EIF3I: variants seen among roughly 807,000 people sequenced by gnomAD.
EIF3I encodes the protein eukaryotic translation initiation factor 3 subunit I, also known as TGF-beta receptor-interacting protein 1.
Under a neutral mutation model 43.3 loss-of-function variants are expected in EIF3I, and 20 were observed. The ratio of observed to expected loss-of-function variants is 0.46; its 90% CI spans 0.32 to 0.67. The LOEUF is 0.67. Among genes scored for constraint, EIF3I ranks in the 30% least tolerant of loss-of-function variants. EIF3I has a pLI of 0.03. For missense variants in EIF3I, 279 were observed against 421.4 expected (o/e 0.66, Z 2.96); for synonymous variants, 167 against 151.7 (o/e 1.10, Z -0.74).
At chr1:32,223,487 G>A (rs900960534) in intron 2 of EIF3I, among the ~76,000 whole-genome samples, 2 of 152,176 alleles carry the variant, frequency 1.3e-5, no homozygotes, top group Non-Finnish European at 2.9e-5. Context: ...GTTTCACCAT[G>A]TTGGACAGGC....
At chr1:32,231,448 G>A (rs189268974), downstream of EIF3I, 2,819 of 384,780 alleles carry the variant, frequency 7.3e-3, 23 homozygotes, top group Non-Finnish European at 0.011. Context: ...CTGAGATCAC[G>A]TCATTGCACT....
At chr1:32,226,236 A>G (rs1271941231) in exon 5 of EIF3I, 7 of 1,614,120 alleles carry the variant, frequency 4.3e-6, no homozygotes, top group Non-Finnish European at 5.9e-6. Flanking sequence ...CTTTGGGGGC[A>G]ACATCATCAT....
intron 10 of EIF3I, among the ~76,000 whole-genome samples, chr1:32,230,391 TC>T: frequency 6.6e-6 from 1 of 152,032 alleles, no homozygotes; most frequent in Non-Finnish European, 1.5e-5. Flanking sequence ...ATGGCCACCG[TC>T]CCTGGCTGCT....
At chr1:32,230,372 T>A (rs1639216821) in exon 10 of EIF3I, among the ~76,000 whole-genome samples, 2 of 152,124 alleles carry the variant, frequency 1.3e-5, no homozygotes, top group African/African-American at 4.8e-5. Context: ...TAGCTGGGAT[T>A]ACAGGTACAT....
Position 32,223,673 on chromosome 1 carries a change from C to T in EIF3I, c.97-361C>T, listed in dbSNP as rs561197522. ...TAGTGAGACAGTGGCAGAGCAGGCA[C>T]CAGAACCCAGACTTCCTTACTACCA... On this transcript the variant is annotated intron_variant, in intron 2 of 11. Coordinates refer to ENST00000676679, the Ensembl canonical transcript of EIF3I. Among the ~76,000 whole-genome samples, 48 of 152,200 alleles carry T rather than the reference C, an allele frequency of 3.2e-4. 1 individual carries two copies. The highest frequency in any genetic ancestry group is 7.3e-5 in the Non-Finnish European group (5 of 68,040).
chr1:32,224,658 C>CTTTTTTTTTTTTT (rs58586351), intron 4 of EIF3I, among the ~76,000 whole-genome samples, 183 bp downstream of exon 4: 3 of 136,346 alleles, frequency 2.2e-5, no homozygotes, highest in South Asian at 2.3e-4. Context: ...ATTAAGTTTT[C>CTTTTTTTTTTTTT]TTTTTTTTTT....
intron 7 of EIF3I, 27 bp from the exon 8 acceptor site, chr1:32,228,699 AG>A: frequency 6.2e-7 from 1 of 1,604,418 alleles, no homozygotes; most frequent in Non-Finnish European, 8.5e-7. Flanking sequence ...AGCTCTTTAC[AG>A]ATTTCCCCCC....
downstream of EIF3I, chr1:32,231,626 A>G (rs1290192329): frequency 2.4e-5 from 4 of 169,950 alleles, no homozygotes; most frequent in Non-Finnish European, 3.8e-5. Flanking sequence ...CTGTTTCATC[A>G]TTTTTCCTTT....
At chr1:32,225,364 T>G (rs1458058459) in intron 4 of EIF3I, among the ~76,000 whole-genome samples, 1 of 152,180 alleles carries the variant, frequency 6.6e-6, no homozygotes, top group Non-Finnish European at 1.5e-5. Flanking sequence ...AGAAGCACAG[T>G]CTGAGGGAGA....
chr1:32,224,564 A>G (rs1210830527), intron 4 of EIF3I, 89 bp downstream of exon 4: 1 of 936,214 alleles, frequency 1.1e-6, no homozygotes, highest in East Asian at 2.4e-5. Flanking sequence ...AATAGAGATG[A>G]AATCCATAGA....
Position 32,231,056 on chromosome 1 carries a change from T to C in EIF3I, c.1007+37T>C, listed in dbSNP as rs191630515. On this transcript the variant is annotated intron_variant, in intron 11 of 11. Transcript: ENST00000676679. ...GTGAAGCAGCTGACCTAAGCCTGGGTTGGGTCTCTGCCTTTCCCAGAGTAA... is the reference window on the plus strand; with the variant it reads ...GTGAAGCAGCTGACCTAAGCCTGGGCTGGGTCTCTGCCTTTCCCAGAGTAA... 4.2e-5 allele frequency: 67 copies of C among 1,613,544 alleles called. 4 individuals are homozygous for C. The South Asian group carries it at 7.1e-4, about 17-fold the overall frequency.
At chr1:32,227,925 G>GCTAGCAC (rs746773307) in intron 6 of EIF3I, among the ~76,000 whole-genome samples, 14 of 152,216 alleles carry the variant, frequency 9.2e-5, no homozygotes, top group Non-Finnish European at 1.6e-4. Context: ...CTTGCAAACA[G>GCTAGCAC]CTAGCACCTG....
chr1:32,232,689 G>A (rs561755992), downstream of EIF3I, among the ~76,000 whole-genome samples: 9 of 152,330 alleles, frequency 5.9e-5, no homozygotes, highest in East Asian at 1.3e-3. Flanking sequence ...GATGAAGACG[G>A]GGGGAGGGCC....
At chr1:32,233,225 G>T (rs1639262158), downstream of EIF3I, among the ~76,000 whole-genome samples, 1 of 152,092 alleles carries the variant, frequency 6.6e-6, no homozygotes. Context: ...TGGGATCTTG[G>T]CTTACTGCAA....
intron 2 of EIF3I, among the ~76,000 whole-genome samples, chr1:32,223,771 T>C (rs192960398): frequency 7.7e-4 from 118 of 152,268 alleles, no homozygotes; most frequent in Non-Finnish European, 1.3e-3. Flanking sequence ...CTTTTATTCT[T>C]TGGAGCCGTT....
At chr1:32,223,933 C>A in intron 2 of EIF3I, 101 bp from the exon 3 acceptor site, 1 of 981,224 alleles carries the variant, frequency 1.0e-6, no homozygotes, top group Non-Finnish European at 1.6e-6. Flanking sequence ...CAGAAGAGGG[C>A]AGAATCAGCC....
At chr1:32,222,757 A>C (rs545931337) in intron 2 of EIF3I, 127 bp downstream of exon 2, 1 of 930,752 alleles carries the variant, frequency 1.1e-6, no homozygotes, top group Non-Finnish European at 1.7e-6. Context: ...GGGAGAGGCC[A>C]TGCCGGGGGT....
At chr1:32,226,198 A>G (rs1639143742) in exon 5 of EIF3I, 3 of 1,614,004 alleles carry the variant, frequency 1.9e-6, no homozygotes, top group Admixed American at 1.7e-5. Context: ...CTCAAGACCA[A>G]TTCGGCTGTC....
downstream of EIF3I, among the ~76,000 whole-genome samples, chr1:32,235,631 T>C (rs577147779): frequency 6.6e-6 from 1 of 152,316 alleles, no homozygotes; most frequent in East Asian, 1.9e-4. Flanking sequence ...AAATGGTTTC[T>C]TAGCTTTGAG....
Sources: allele counts gnomAD v4.1 joint callset (sites outside exome capture counted in the v4.1 genomes callset), GRCh38; gene constraint gnomAD v4.1.1; transcripts MANE v1.5; gene names NCBI Gene and HGNC (gene_info 2026-07-23, HGNC 2026-07-21).